Variants in RABGAP1 observed in about 807,000 individuals in gnomAD.
RABGAP1 encodes the protein RAB GTPase activating protein 1, also known as rab GTPase-activating protein 1.
RABGAP1 carries 23 observed loss-of-function variants against 137.6 expected under a neutral mutation model. That is an observed-to-expected ratio of 0.17 (90% confidence interval 0.12 to 0.24). The LOEUF is 0.24. RABGAP1 is among the 10% of genes least tolerant of loss of function. The probability of loss-of-function intolerance (pLI) is 1.00; values close to 1 mark genes in which losing one functional copy is unlikely to be tolerated. For missense variants in RABGAP1, 906 were observed against 1,275.8 expected (o/e 0.71, Z 4.42); for synonymous variants, 451 against 450.7 (o/e 1.00, Z -0.01).
intron 2 of RABGAP1, among the ~76,000 whole-genome samples, chr9:122,960,490 C>T (rs962753979): frequency 3.9e-5 from 6 of 152,168 alleles, no homozygotes; most frequent in Admixed American, 1.3e-4. Context: ...ATGGAATCTA[C>T]AAAAATCAAC....
intron 2 of RABGAP1, among the ~76,000 whole-genome samples, chr9:122,969,634 T>G (rs1835367895): frequency 6.6e-6 from 1 of 152,024 alleles, no homozygotes; most frequent in South Asian, 2.1e-4. Context: ...GTAGAATGAC[T>G]AACAAAATGA....
At chr9:122,980,754 T>G (rs1836004751) in intron 2 of RABGAP1, among the ~76,000 whole-genome samples, 1 of 152,212 alleles carries the variant, frequency 6.6e-6, no homozygotes, top group African/African-American at 2.4e-5. Context: ...AGAAAATAAA[T>G]GAACTGTATA....
At chr9:123,047,588 T>A (rs772325926) in intron 13 of RABGAP1, among the ~76,000 whole-genome samples, 12 of 152,186 alleles carry the variant, frequency 7.9e-5, no homozygotes, top group Non-Finnish European at 1.8e-4. Flanking sequence ...AGATAGCTTT[T>A]AAGTATTGTT....
intron 13 of RABGAP1, among the ~76,000 whole-genome samples, chr9:123,027,221 T>A (rs1314756871): frequency 6.6e-6 from 1 of 152,042 alleles, no homozygotes; most frequent in African/African-American, 2.4e-5. Context: ...GGTTCAGTGA[T>A]TCTCCTGTCA....
chr9:122,965,065 A>G (rs1372172438), intron 2 of RABGAP1, among the ~76,000 whole-genome samples: 2 of 152,208 alleles, frequency 1.3e-5, no homozygotes, highest in East Asian at 3.9e-4. Flanking sequence ...AAGAATTTGT[A>G]AATGATAGTA....
At chr9:123,056,771 G>A (rs549901435) in intron 13 of RABGAP1, among the ~76,000 whole-genome samples, 3 of 151,940 alleles carry the variant, frequency 2.0e-5, no homozygotes, top group Non-Finnish European at 4.4e-5. Flanking sequence ...GACACAGCGC[G>A]TTTCAGAGAG....
intron 6 of RABGAP1, among the ~76,000 whole-genome samples, chr9:122,991,944 A>G (rs890683800): frequency 1.3e-5 from 2 of 152,094 alleles, no homozygotes; most frequent in Non-Finnish European, 1.5e-5. Flanking sequence ...TCCTTCCTGC[A>G]ATGTACCTTC....
chr9:123,028,992 C>T (rs1414067463), intron 13 of RABGAP1, among the ~76,000 whole-genome samples: 1 of 152,076 alleles, frequency 6.6e-6, no homozygotes, highest in East Asian at 1.9e-4. Flanking sequence ...TATTATCAGG[C>T]TTAGAAAGAT....
Position 122,959,095 on chromosome 9 carries a change from A to T in RABGAP1, c.150+1886A>T, listed in dbSNP as rs77085556. 5.9e-3 allele frequency among the ~76,000 whole-genome samples: 892 copies of T among 152,250 alleles called. 13 individuals are homozygous for T. The highest frequency in any genetic ancestry group is 0.017 in the Middle Eastern group (5 of 294). ...AAACTTAAAAAAATTAATTAATAAG[A>T]GTGAATGACAGGTGCTTTTTTAGAG... On this transcript the variant is annotated intron_variant, in intron 2 of 25. Coordinates refer to ENST00000373647, the MANE Select transcript of RABGAP1 (RefSeq NM_012197.4).
intron 13 of RABGAP1, chr9:123,035,568 C>T: frequency 6.2e-7 from 1 of 1,609,682 alleles, no homozygotes; most frequent in South Asian, 1.1e-5. Flanking sequence ...CAGCCAACGA[C>T]CCTTACACAG....
intron 2 of RABGAP1, among the ~76,000 whole-genome samples, chr9:122,977,566 C>T (rs962532271): frequency 1.3e-5 from 2 of 152,052 alleles, no homozygotes; most frequent in Non-Finnish European, 2.9e-5. Flanking sequence ...ATCAGCTGGG[C>T]GTGATGGCGC....
At chr9:122,969,113 C>G (rs1835332625) in intron 2 of RABGAP1, among the ~76,000 whole-genome samples, 1 of 152,120 alleles carries the variant, frequency 6.6e-6, no homozygotes, top group South Asian at 2.1e-4. Flanking sequence ...ATTATAATAC[C>G]ATATTTTTAT....
chr9:123,058,051 G>GGGGAGAGA (rs1022586451), intron 13 of RABGAP1, among the ~76,000 whole-genome samples: 3 of 1,848 alleles, frequency 1.6e-3, no homozygotes, highest in African/African-American at 4.7e-3. Flanking sequence ...TGGAAAGAGA[G>GGGGAGAGA]GGGAGAGGGG....
chr9:122,956,451 C>T (rs565462995), intron 1 of RABGAP1, among the ~76,000 whole-genome samples: 5 of 152,188 alleles, frequency 3.3e-5, no homozygotes, highest in South Asian at 2.1e-4. Flanking sequence ...GAGATCAAGA[C>T]CATCCTGGCT....
chr9:123,058,211 G>C lies in RABGAP1; in HGVS notation c.1795-7137G>C, dbSNP rs541615574. 2.0e-5 allele frequency among the ~76,000 whole-genome samples: 3 copies of C among 152,268 alleles called. No individual in the cohort carries two copies. In the South Asian group the frequency reaches 6.2e-4, roughly 32 times the overall value. Reference sequence around the variant, plus strand: ...AGAATAGCTGCATATCCCAAAGCTGGAGATTTTGGCAGAGTAAATTATGGT... The same window carrying C: ...AGAATAGCTGCATATCCCAAAGCTGCAGATTTTGGCAGAGTAAATTATGGT... On this transcript the variant is annotated intron_variant, in intron 13 of 25. Transcript: ENST00000373647.
chr9:123,092,303 C>A (rs1321697257), intron 21 of RABGAP1, among the ~76,000 whole-genome samples: 1 of 152,126 alleles, frequency 6.6e-6, no homozygotes, highest in Non-Finnish European at 1.5e-5. Flanking sequence ...AGGTTTCATT[C>A]CTGATATTAG....
intron 5 of RABGAP1, 90 bp downstream of exon 5, chr9:122,989,561 C>A: frequency 1.5e-6 from 2 of 1,334,820 alleles, no homozygotes; most frequent in Non-Finnish European, 2.1e-6. Flanking sequence ...TATGATCACT[C>A]ATAAGCCAGA....
At chr9:123,008,635 C>A (rs1279188593) in intron 10 of RABGAP1, among the ~76,000 whole-genome samples, 3 of 149,766 alleles carry the variant, frequency 2.0e-5, no homozygotes, top group Admixed American at 1.3e-4. Flanking sequence ...TATAACAAAA[C>A]AAAAATTTTA....
chr9:123,052,836 A>T, intron 13 of RABGAP1, among the ~76,000 whole-genome samples: 1 of 152,218 alleles, frequency 6.6e-6, no homozygotes, highest in East Asian at 1.9e-4. Flanking sequence ...GCTACTTGGG[A>T]GGCTGAGGCA....
Sources: allele counts gnomAD v4.1 joint callset (sites outside exome capture counted in the v4.1 genomes callset), GRCh38; gene constraint gnomAD v4.1.1; transcripts MANE v1.5; gene names NCBI Gene and HGNC (gene_info 2026-07-23, HGNC 2026-07-21).